Variants in NTRK2 observed in about 807,000 individuals in gnomAD.
NTRK2 encodes the protein BDNF/NT-3 growth factors receptor.
NTRK2 carries 13 observed loss-of-function variants against 94.5 expected under a neutral mutation model. The ratio of observed to expected loss-of-function variants is 0.14; its 90% CI spans 0.09 to 0.22. The LOEUF is 0.22. Among genes scored for constraint, NTRK2 ranks in the 10% least tolerant of loss-of-function variants. The probability of loss-of-function intolerance (pLI) is 1.00; values close to 1 mark genes in which losing one functional copy is unlikely to be tolerated. For missense variants in NTRK2, 639 were observed against 1,071.2 expected, an observed-to-expected ratio of 0.60 and a Z score of 5.63; for synonymous variants, 372 against 407.4, an observed-to-expected ratio of 0.91 and a Z score of 1.05.
intron 14 of NTRK2, chr9:84,873,812 A>G: frequency 1.9e-6 from 2 of 1,057,240 alleles, no homozygotes; most frequent in Non-Finnish European, 2.3e-6. Context: ...CAAGTATAGT[A>G]TACTTAGACC....
intron 18 of NTRK2, 66 bp from the exon 19 acceptor site, chr9:85,021,186 C>T (rs2117990578): frequency 2.1e-6 from 3 of 1,432,336 alleles, no homozygotes; most frequent in Non-Finnish European, 2.0e-6. Context: ...TGTTTTTTTG[C>T]ACTGACATTT....
At chr9:84,742,504 A>G (rs559984790) in intron 10 of NTRK2, among the ~76,000 whole-genome samples, 4 of 152,158 alleles carry the variant, frequency 2.6e-5, no homozygotes, top group Non-Finnish European at 5.9e-5. Flanking sequence ...TGCCATTCAC[A>G]AGGATGGGAG....
chr9:84,951,609 A>C (rs2078785738), intron 16 of NTRK2, among the ~76,000 whole-genome samples: 1 of 151,916 alleles, frequency 6.6e-6, no homozygotes, highest in Non-Finnish European at 1.5e-5. Context: ...CCTTCTCCCT[A>C]GCTCTCCTTC....
intron 14 of NTRK2, among the ~76,000 whole-genome samples, chr9:84,925,043 A>C (rs1007029294): frequency 6.6e-6 from 1 of 152,104 alleles, no homozygotes; most frequent in African/African-American, 2.4e-5. Flanking sequence ...TCGGTGCCCC[A>C]GTGCTATGAG....
intron 14 of NTRK2, among the ~76,000 whole-genome samples, chr9:84,883,068 G>A (rs923196685): frequency 6.6e-6 from 1 of 152,132 alleles, no homozygotes; most frequent in African/African-American, 2.4e-5. Context: ...CACCTGGCCT[G>A]CTAGAAACAC....
At chr9:84,909,546 C>A (rs1274798875) in intron 14 of NTRK2, among the ~76,000 whole-genome samples, 1 of 151,958 alleles carries the variant, frequency 6.6e-6, no homozygotes, top group East Asian at 1.9e-4. Context: ...AACATTTCCA[C>A]CAGCAATGTA....
chr9:84,744,230 T>A (rs199676826), intron 10 of NTRK2, among the ~76,000 whole-genome samples: 1 of 152,194 alleles, frequency 6.6e-6, no homozygotes, highest in Non-Finnish European at 1.5e-5. Context: ...TCCTGACCCA[T>A]GTAGACTAAA....
rs181882097 is a variant in NTRK2 at position 84,697,749 on chromosome 9, G to A, written c.213-4410G>A. ...ACACCTTGGTCTTCTGTTTCCATGC[G>A]GAGGCTGTGGAGCAGGGAAAGAAAG... On this transcript the variant is annotated intron_variant, in intron 2 of 18. Transcript: ENST00000277120. Among the ~76,000 whole-genome samples the A allele has an allele frequency of 1.3e-3, 205 of 152,320 alleles. 2 individuals are homozygous for A. The highest frequency in any genetic ancestry group is 0.01 in the Middle Eastern group (3 of 294).
chr9:84,932,326 C>T lies in NTRK2; in HGVS notation c.1634-1836C>T, dbSNP rs567313117. 2.0e-5 allele frequency among the ~76,000 whole-genome samples: 3 copies of T among 152,296 alleles called. No individual in the cohort carries two copies. In the South Asian group the frequency reaches 6.2e-4, roughly 32 times the overall value. On this transcript the variant is annotated intron_variant, in intron 14 of 18. Coordinates refer to ENST00000277120, the MANE Select transcript of NTRK2 (RefSeq NM_006180.6). ...GATTCAAGATCTGCAAGAATTCGTA[C>T]TGTATAACTCCATTTAATGTAGGTT...
At chr9:84,874,632 G>T in intron 14 of NTRK2, 1 of 1,061,886 alleles carries the variant, frequency 9.4e-7, no homozygotes, top group Non-Finnish European at 1.1e-6. Flanking sequence ...AGGAAATGGG[G>T]AGAGAGCTAC....
At chr9:84,986,155 C>T (rs1828261900) in intron 17 of NTRK2, among the ~76,000 whole-genome samples, 1 of 152,062 alleles carries the variant, frequency 6.6e-6, no homozygotes, top group South Asian at 2.1e-4. Flanking sequence ...CACAAACAGC[C>T]CCCAAACCGT....
intron 11 of NTRK2, among the ~76,000 whole-genome samples, chr9:84,750,541 A>G (rs974119024): frequency 6.6e-6 from 1 of 152,248 alleles, no homozygotes; most frequent in African/African-American, 2.4e-5. Flanking sequence ...CAGAGCAGGC[A>G]TTGGCGACTA....
At chr9:84,980,557 G>A (rs1827463660) in intron 17 of NTRK2, among the ~76,000 whole-genome samples, 1 of 152,224 alleles carries the variant, frequency 6.6e-6, no homozygotes, top group Non-Finnish European at 1.5e-5. Context: ...ATGATTAAAT[G>A]AGAAATTGTG....
At chr9:84,835,539 GAACAACAAC>G (rs963730260) in intron 12 of NTRK2, among the ~76,000 whole-genome samples, 3 of 115,746 alleles carry the variant, frequency 2.6e-5, no homozygotes, top group Admixed American at 7.6e-5. Flanking sequence ...AGAACAACAA[GAACAACAAC>G]AACAACAACA....
intron 9 of NTRK2, among the ~76,000 whole-genome samples, chr9:84,728,580 C>T (rs552835220): frequency 3.9e-5 from 6 of 152,174 alleles, no homozygotes; most frequent in African/African-American, 1.4e-4. Context: ...TATTTTCTAG[C>T]CTCTTACCTA....
intron 14 of NTRK2, among the ~76,000 whole-genome samples, chr9:84,870,331 G>GTGTGTGTATATATATATATATATATA (rs1349303529): frequency 9.6e-5 from 3 of 31,182 alleles, no homozygotes; most frequent in Non-Finnish European, 2.0e-4. Flanking sequence ...GTGTGTGTGT[G>GTGTGTGTATATATATATATATATATA]TATATATATA....
At chr9:84,742,993 GT>G (rs66492219) in intron 10 of NTRK2, among the ~76,000 whole-genome samples, 87,535 of 151,650 alleles carry the variant, frequency 0.58, 26,936 homozygotes, top group South Asian at 0.68. Flanking sequence ...TTAAGACTGG[GT>G]TTTACCATGT....
At chr9:84,718,041 T>TTCC (rs909006874) in intron 6 of NTRK2, among the ~76,000 whole-genome samples, 2 of 103,148 alleles carry the variant, frequency 1.9e-5, no homozygotes, top group African/African-American at 8.2e-5. Context: ...CTTCCTCTTC[T>TTCC]TCCTCCTCTT....
At chr9:85,007,955 T>C (rs1276062795) in intron 17 of NTRK2, among the ~76,000 whole-genome samples, 1 of 152,192 alleles carries the variant, frequency 6.6e-6, no homozygotes, top group Non-Finnish European at 1.5e-5. Flanking sequence ...TGTTGGGGCA[T>C]TGTGGCTAAC....
Sources: gnomAD v4.1 joint callset for allele counts (sites outside exome capture counted in the v4.1 genomes callset) on GRCh38, gnomAD v4.1.1 for gene constraint, MANE v1.5 for transcripts, NCBI Gene and HGNC (gene_info 2026-07-23, HGNC 2026-07-21) for gene names.